Variants in ADAMTS3 observed in about 807,000 individuals in gnomAD.
ADAMTS3 encodes the protein ADAM metallopeptidase with thrombospondin type 1 motif 3.
A neutral mutation model predicts 129.0 loss-of-function variants in ADAMTS3; 73 were observed. That is an observed-to-expected ratio of 0.57 (90% CI 0.47 to 0.69). ADAMTS3 has a LOEUF of 0.69. Among genes scored for constraint, ADAMTS3 ranks in the 30% least tolerant of loss-of-function variants. The pLI is 0.00. For synonymous variants in ADAMTS3, 477 were observed against 510.8 expected (o/e 0.93, Z 0.89); for missense variants, 1,457 against 1,514.5 (o/e 0.96, Z 0.63).
intron 3 of ADAMTS3, among the ~76,000 whole-genome samples, chr4:72,466,621 C>G (rs1718927742): frequency 2.0e-5 from 3 of 152,006 alleles, no homozygotes; most frequent in Admixed American, 2.0e-4. Context: ...GGATGTAATG[C>G]TATTTCTAAT....
At chr4:72,554,882 T>C (rs1461444989) in intron 2 of ADAMTS3, among the ~76,000 whole-genome samples, 1 of 151,842 alleles carries the variant, frequency 6.6e-6, no homozygotes, top group Non-Finnish European at 1.5e-5. Context: ...CCCTAGTGAT[T>C]TGGGTCACTA....
At chr4:72,336,054 A>G (rs1208841184) in intron 5 of ADAMTS3, among the ~76,000 whole-genome samples, 1 of 152,180 alleles carries the variant, frequency 6.6e-6, no homozygotes, top group Non-Finnish European at 1.5e-5. Flanking sequence ...ACCTAAAGGT[A>G]TTCCCTTAAT....
chr4:72,348,449 GTATGA>G (rs1015065740), intron 4 of ADAMTS3, among the ~76,000 whole-genome samples: 8 of 152,026 alleles, frequency 5.3e-5, no homozygotes, highest in African/African-American at 1.9e-4. Flanking sequence ...GAAAGAGGTT[GTATGA>G]TATAATACAA....
At chr4:72,478,514 A>C (rs1464713868) in intron 3 of ADAMTS3, among the ~76,000 whole-genome samples, 13 of 148,912 alleles carry the variant, frequency 8.7e-5, no homozygotes, top group South Asian at 2.2e-4. Flanking sequence ...AAAAACTCTC[A>C]ATAAATTAGG....
At chr4:72,425,830 G>T (rs62319888) in intron 3 of ADAMTS3, among the ~76,000 whole-genome samples, 2 of 151,196 alleles carry the variant, frequency 1.3e-5, no homozygotes, top group African/African-American at 2.4e-5. Context: ...ATGATTTATA[G>T]TCCTTTGGGT....
chr4:72,353,567 C>A (rs1400740738), intron 4 of ADAMTS3, among the ~76,000 whole-genome samples: 3 of 151,912 alleles, frequency 2.0e-5, no homozygotes, highest in Non-Finnish European at 4.4e-5. Flanking sequence ...GCTATCTCCA[C>A]CTCCCATTCC....
At position 72,311,004 on chromosome 4, in the gene ADAMTS3, C is replaced by A. The variant is rs200063435; in HGVS notation, c.2055+44G>T. On this transcript the variant is annotated intron_variant, in intron 14 of 21. Coordinates refer to ENST00000286657, the MANE Select transcript of ADAMTS3 (RefSeq NM_014243.3). The stretch of plus-strand genomic sequence containing the variant: ...AAATGTGCAGATGAATGACAGTAAA[C>A]GTAGATAACGTAGAAAGCCTTTGGG... 2.8e-5 allele frequency: 42 copies of A among 1,520,688 alleles called. No homozygotes were observed. In the East Asian group the frequency reaches 5.1e-4, roughly 19 times the overall value. 94.2% of individuals were successfully genotyped at this position (1,520,688 alleles called of 1,614,324 possible).
chr4:72,530,796 TTA>T (rs1360510358), intron 3 of ADAMTS3, among the ~76,000 whole-genome samples: 12 of 92,980 alleles, frequency 1.3e-4, no homozygotes, highest in Admixed American at 3.3e-4. Context: ...ACATTATATA[TTA>T]TATATATTAT....
intron 4 of ADAMTS3, among the ~76,000 whole-genome samples, chr4:72,346,677 C>A (rs1231163041): frequency 6.6e-6 from 1 of 152,082 alleles, no homozygotes; most frequent in Non-Finnish European, 1.5e-5. Flanking sequence ...CTAGAGATAT[C>A]TCACAGATAT....
At chr4:72,420,039 G>A (rs568881557) in intron 3 of ADAMTS3, among the ~76,000 whole-genome samples, 1 of 152,044 alleles carries the variant, frequency 6.6e-6, no homozygotes, top group Non-Finnish European at 1.5e-5. Flanking sequence ...GCAGGGGAGT[G>A]GGGAAAGAAT....
At chr4:72,567,448 T>G in intron 1 of ADAMTS3, 47 bp from the exon 2 acceptor site, 1 of 1,578,598 alleles carries the variant, frequency 6.3e-7, no homozygotes, top group Non-Finnish European at 8.7e-7. Context: ...CTGGGTTTCA[T>G]CTTATCACCT....
chr4:72,416,622 T>C (rs1196187441), intron 3 of ADAMTS3, among the ~76,000 whole-genome samples: 2 of 152,190 alleles, frequency 1.3e-5, no homozygotes, highest in East Asian at 1.9e-4. Flanking sequence ...TTATACTTAG[T>C]CATGTACTAT....
At chr4:72,363,796 A>G (rs949246208) in intron 4 of ADAMTS3, among the ~76,000 whole-genome samples, 4 of 152,184 alleles carry the variant, frequency 2.6e-5, no homozygotes, top group Non-Finnish European at 5.9e-5. Flanking sequence ...TGAAGCCAGT[A>G]TACAGCTAGA....
chr4:72,283,829 T>C (rs558211079), intron 21 of ADAMTS3, 125 bp from the exon 22 acceptor site: 3 of 719,872 alleles, frequency 4.2e-6, no homozygotes, highest in South Asian at 2.3e-5. Flanking sequence ...ACGGGAGTGA[T>C]CCACACGAGC....
At chr4:72,300,517 A>G (rs1252858043) in intron 17 of ADAMTS3, among the ~76,000 whole-genome samples, 1 of 152,204 alleles carries the variant, frequency 6.6e-6, no homozygotes, top group African/African-American at 2.4e-5. Context: ...ATTAACATAT[A>G]TTTTATTATG....
Position 72,325,060 on chromosome 4 carries a change from T to C in ADAMTS3, c.862-1963A>G, listed in dbSNP as rs574406435. ...TCATGCAAACAAATCGCTAAAAAAT[T>C]TTATAAGTGAGAGGGAGGAAAGGGT... On this transcript the variant is annotated intron_variant, in intron 5 of 21. Coordinates refer to ENST00000286657, the MANE Select transcript of ADAMTS3 (RefSeq NM_014243.3). Among the ~76,000 whole-genome samples, 16 of 152,062 alleles carry C rather than the reference T, an allele frequency of 1.1e-4. 1 individual carries two copies. The South Asian group carries it at 3.3e-3, about 32-fold the overall frequency.
chr4:72,390,348 G>A (rs1332710634), intron 4 of ADAMTS3, among the ~76,000 whole-genome samples: 2 of 152,098 alleles, frequency 1.3e-5, no homozygotes, highest in Non-Finnish European at 2.9e-5. Context: ...CACCAATGAT[G>A]CTATTCTAAA....
chr4:72,516,698 C>G, intron 3 of ADAMTS3, among the ~76,000 whole-genome samples: 1 of 152,142 alleles, frequency 6.6e-6, no homozygotes, highest in African/African-American at 2.4e-5. Flanking sequence ...TATCCTGACA[C>G]TTTGCTGAAG....
chr4:72,516,886 G>C (rs1270213144), intron 3 of ADAMTS3, among the ~76,000 whole-genome samples: 1 of 152,014 alleles, frequency 6.6e-6, no homozygotes, highest in Non-Finnish European at 1.5e-5. Context: ...GAATAGGAGT[G>C]GTGAGAGAGG....
Sources: allele counts gnomAD v4.1 joint callset (sites outside exome capture counted in the v4.1 genomes callset), GRCh38; gene constraint gnomAD v4.1.1; transcripts MANE v1.5; gene names NCBI Gene and HGNC (gene_info 2026-07-23, HGNC 2026-07-21).